CACNA2D3: variants seen among roughly 807,000 people sequenced by gnomAD.
The protein encoded by CACNA2D3 is voltage-dependent calcium channel subunit alpha-2/delta-3.
In CACNA2D3, 60 loss-of-function variants were observed where a neutral mutation model predicts 160.6. The ratio of observed to expected loss-of-function variants is 0.37; its 90% confidence interval spans 0.30 to 0.46. The LOEUF is 0.46. Ranked by LOEUF, CACNA2D3 falls within the 20% of genes least tolerant of loss-of-function variation. The pLI is 1.00. For synonymous variants in CACNA2D3, 558 were observed against 492.9 expected, an observed-to-expected ratio of 1.13 and a Z score of -1.75; for missense variants, 1,205 against 1,365.0, an observed-to-expected ratio of 0.88 and a Z score of 1.85.
intron 13 of CACNA2D3, among the ~76,000 whole-genome samples, chr3:54,765,778 G>T (rs1702213168): frequency 6.6e-6 from 1 of 152,160 alleles, no homozygotes; most frequent in African/African-American, 2.4e-5. Context: ...CACCTGGACA[G>T]ACAGATCAGT....
chr3:54,760,790 C>G lies in CACNA2D3; in HGVS notation c.1247-3428C>G, dbSNP rs116190355. ...ATGGAGGATAATTATGTTTTGGCCT[C>G]TCTGGGAAGTGGTGCCATTTTCTGA... On this transcript the variant is annotated intron_variant, in intron 12 of 37. Coordinates refer to ENST00000474759, the MANE Select transcript of CACNA2D3 (RefSeq NM_018398.3). Among the ~76,000 whole-genome samples, 424 of 152,160 alleles carry G rather than the reference C, an allele frequency of 2.8e-3. 3 individuals carry two copies. Among genetic ancestry groups the G allele is most frequent in the African/African-American group, 9.9e-3 (409 of 41,506 alleles).
At chr3:54,278,535 G>A (rs943300339) in intron 2 of CACNA2D3, among the ~76,000 whole-genome samples, 1 of 152,280 alleles carries the variant, frequency 6.6e-6, no homozygotes, top group South Asian at 2.1e-4. Context: ...ATGTGCACAC[G>A]TATGTTTATT....
chr3:54,578,750 T>A (rs905162434), intron 8 of CACNA2D3, among the ~76,000 whole-genome samples: 1 of 152,242 alleles, frequency 6.6e-6, no homozygotes, highest in Non-Finnish European at 1.5e-5. Flanking sequence ...CACACAGTGC[T>A]GGCAAGCATG....
chr3:54,456,513 T>G (rs1700399276), intron 4 of CACNA2D3, among the ~76,000 whole-genome samples: 1 of 151,956 alleles, frequency 6.6e-6, no homozygotes, highest in Admixed American at 6.6e-5. Context: ...AAACAGATTC[T>G]TTTGAGAATT....
intron 4 of CACNA2D3, among the ~76,000 whole-genome samples, chr3:54,440,884 C>G (rs1161489722): frequency 6.6e-6 from 1 of 152,152 alleles, no homozygotes; most frequent in Non-Finnish European, 1.5e-5. Flanking sequence ...TCCAGTCTAT[C>G]ATTGTTGGAC....
At chr3:54,641,789 A>G (rs935146926) in intron 10 of CACNA2D3, among the ~76,000 whole-genome samples, 1 of 152,188 alleles carries the variant, frequency 6.6e-6, no homozygotes, top group Non-Finnish European at 1.5e-5. Context: ...CAAAACTCCA[A>G]AGGGAGGGGG....
At chr3:54,167,813 G>A (rs1461193141) in intron 2 of CACNA2D3, among the ~76,000 whole-genome samples, 1 of 152,188 alleles carries the variant, frequency 6.6e-6, no homozygotes, top group East Asian at 1.9e-4. Flanking sequence ...TTTAAGTCTT[G>A]GGACAAGGCA....
At chr3:54,941,994 A>G (rs1308968240) in intron 27 of CACNA2D3, among the ~76,000 whole-genome samples, 3 of 152,208 alleles carry the variant, frequency 2.0e-5, no homozygotes, top group African/African-American at 7.2e-5. Flanking sequence ...AAATCATTCC[A>G]TCCAGAGATC....
chr3:54,739,343 C>T (rs577820318), intron 11 of CACNA2D3, among the ~76,000 whole-genome samples: 1 of 149,632 alleles, frequency 6.7e-6, no homozygotes, highest in South Asian at 2.1e-4. Context: ...TTGCCTGAAC[C>T]TGGGAGGCAG....
chr3:54,719,271 A>G lies in CACNA2D3; in HGVS notation c.1168-33328A>G, dbSNP rs1033118731. 2.7e-5 allele frequency among the ~76,000 whole-genome samples: 4 copies of G among 150,712 alleles called. No homozygotes were observed. The South Asian group carries it at 6.3e-4, about 24-fold the overall frequency. The stretch of plus-strand genomic sequence containing the variant: ...TGATCTCAGGATGAATGCTTTTACT[A>G]GTTTTACCATTAAGTCTTATGCTGC... On this transcript the variant is annotated intron_variant, in intron 11 of 37. Transcript: ENST00000474759.
At chr3:54,266,607 C>T (rs1338308125) in intron 2 of CACNA2D3, among the ~76,000 whole-genome samples, 1 of 152,156 alleles carries the variant, frequency 6.6e-6, no homozygotes, top group Non-Finnish European at 1.5e-5. Context: ...TTCATATTTG[C>T]TGATGAGTGA....
intron 9 of CACNA2D3, among the ~76,000 whole-genome samples, chr3:54,594,975 A>C (rs963258036): frequency 6.6e-6 from 1 of 152,212 alleles, no homozygotes; most frequent in African/African-American, 2.4e-5. Flanking sequence ...TCACTATCTG[A>C]GCAGGTAGAG....
intron 5 of CACNA2D3, among the ~76,000 whole-genome samples, chr3:54,558,923 A>G (rs999280413): frequency 1.3e-5 from 2 of 152,144 alleles, no homozygotes; most frequent in Admixed American, 1.3e-4. Flanking sequence ...CTGCTGTAGA[A>G]TGGAGGAGAA....
intron 13 of CACNA2D3, among the ~76,000 whole-genome samples, chr3:54,791,466 C>G (rs934820482): frequency 1.3e-5 from 2 of 152,220 alleles, no homozygotes; most frequent in East Asian, 3.8e-4. Context: ...TCATGGCTTA[C>G]ATTTGCATAA....
chr3:54,464,301 A>T (rs1700569533), intron 4 of CACNA2D3, among the ~76,000 whole-genome samples: 1 of 152,126 alleles, frequency 6.6e-6, no homozygotes, highest in Non-Finnish European at 1.5e-5. Flanking sequence ...GCTCTCTTCA[A>T]AGCTGTCAGA....
chr3:54,693,867 G>A (rs1700610501), intron 11 of CACNA2D3, among the ~76,000 whole-genome samples: 1 of 152,122 alleles, frequency 6.6e-6, no homozygotes, highest in Non-Finnish European at 1.5e-5. Context: ...TTGTACAGCT[G>A]TACGATGTGT....
chr3:54,337,070 C>T (rs866272982), intron 3 of CACNA2D3, among the ~76,000 whole-genome samples: 1 of 151,878 alleles, frequency 6.6e-6, no homozygotes, highest in Middle Eastern at 3.4e-3. Flanking sequence ...AGACATAGAA[C>T]GAGACATAGA....
intron 10 of CACNA2D3, 21 bp downstream of exon 10, chr3:54,627,897 C>G (rs765103440): frequency 6.8e-7 from 1 of 1,478,364 alleles, no homozygotes; most frequent in Admixed American, 1.8e-5. Flanking sequence ...CTTTGATTTG[C>G]CTTTCTCATC....
chr3:54,730,397 G>A (rs1701363537), intron 11 of CACNA2D3, among the ~76,000 whole-genome samples: 1 of 152,224 alleles, frequency 6.6e-6, no homozygotes, highest in Non-Finnish European at 1.5e-5. Context: ...GGAAAGGCTA[G>A]CTAGAGCATG....
Sources: gnomAD v4.1 joint callset for allele counts (sites outside exome capture counted in the v4.1 genomes callset) on GRCh38, gnomAD v4.1.1 for gene constraint, MANE v1.5 for transcripts, NCBI Gene and HGNC (gene_info 2026-07-23, HGNC 2026-07-21) for gene names.